The following YAF2 variants were observed in gnomAD, a reference collection of about 807,000 sequenced individuals.
YAF2 encodes YY1-associated factor 2.
A neutral mutation model predicts 20.1 loss-of-function variants in YAF2; 7 were observed. The observed-to-expected ratio is 0.35, with a 90% CI of 0.20 to 0.65. The LOEUF (loss-of-function observed/expected upper bound fraction) is 0.65. Ranked by LOEUF, YAF2 falls within the 30% of genes least tolerant of loss-of-function variation. The pLI, the probability that YAF2 is intolerant of heterozygous loss-of-function variation, is 0.69. For missense variants in YAF2, 151 were observed against 219.2 expected (o/e 0.69, Z 1.96); for synonymous variants, 74 against 76.0 (o/e 0.97, Z 0.14).
In YAF2 at chr12:42,227,513, C is replaced by T. The variant is rs1355320122; in HGVS notation, c.152+10086G>A. ...GCCGCCCCATCTGGGATGTGAGGAG[C>T]GCCTCTGCCCTGCCGAGACCCCGTC... On this transcript the variant is annotated intron_variant, in intron 2 of 3. Coordinates refer to ENST00000534854, the MANE Select transcript of YAF2 (RefSeq NM_005748.6). Among the ~76,000 whole-genome samples, 720 of 139,890 alleles carry T rather than the reference C, an allele frequency of 5.1e-3. 2 individuals carry two copies. The highest frequency in any genetic ancestry group is 8.1e-3 in the Non-Finnish European group (528 of 64,832). 91.8% of individuals were successfully genotyped at this position (139,890 alleles called of 152,430 possible).
At chr12:42,167,179 A>G (rs1325399729) in intron 2 of YAF2, among the ~76,000 whole-genome samples, 1 of 152,072 alleles carries the variant, frequency 6.6e-6, no homozygotes, top group East Asian at 1.9e-4. Context: ...TAGGACAAAT[A>G]CCTAATGCAT....
intron 2 of YAF2, among the ~76,000 whole-genome samples, chr12:42,188,968 T>A (rs1290585552): frequency 6.6e-6 from 1 of 152,120 alleles, no homozygotes; most frequent in African/African-American, 2.4e-5. Flanking sequence ...ATTTGTTCAA[T>A]AAATATGAGA....
At chr12:42,209,563 CAAAAAAAAAAAAA>C (rs71084623) in intron 2 of YAF2, among the ~76,000 whole-genome samples, 2 of 27,806 alleles carry the variant, frequency 7.2e-5, no homozygotes, top group South Asian at 1.3e-3. Context: ...GACTTTGTCT[CAAAAAAAAAAAAA>C]AAAAAAAAAA....
In YAF2 at chr12:42,159,899, T is replaced by C. The variant is rs2065765781; in HGVS notation, c.*690A>G. The C allele has an allele frequency of 6.6e-6, 1 of 152,550 alleles. No individual in the cohort carries two copies. Among genetic ancestry groups the C allele is most frequent in the Admixed American group, 6.5e-5 (1 of 15,270 alleles). 9.4% of individuals were successfully genotyped at this position (152,550 alleles called of 1,614,324 possible). A position where few individuals can be genotyped will look rare whatever the true frequency, so the allele number is the denominator to read the frequency against. On this transcript the variant is annotated 3_prime_UTR_variant, in exon 4 of 4. Transcript: ENST00000534854. ...AATTATAAAGCTAAATAATCAATGT[T>C]TTATTGTTTACTAGTCCGCTAGTAA...
chr12:42,227,722 G>C, intron 2 of YAF2, among the ~76,000 whole-genome samples: 1 of 149,584 alleles, frequency 6.7e-6, no homozygotes, highest in African/African-American at 2.5e-5. Context: ...TCTCCGCCCG[G>C]CAGCCACCCC....
At position 42,238,124 on chromosome 12, in the gene YAF2, AGTCCGGGCCCCGGGGCCCGGGCGCT is replaced by A; in HGVS notation, c.26+6_26+30del. 2 of 1,497,778 alleles carry A rather than the reference AGTCCGGGCCCCGGGGCCCGGGCGCT, an allele frequency of 1.3e-6. No homozygotes were observed. The highest frequency in any genetic ancestry group is 1.8e-6 in the Non-Finnish European group (2 of 1,122,958). The allele number at this position is 1,497,778 out of a possible 1,614,324, so 92.8% of individuals were successfully genotyped here. A position where few individuals can be genotyped will look rare whatever the true frequency, so the allele number is the denominator to read the frequency against. On this transcript the variant is annotated splice_donor_region_variant and intron_variant, in intron 1 of 3. Coordinates refer to ENST00000534854, the MANE Select transcript of YAF2 (RefSeq NM_005748.6). ...TGCACGAGGGCCCTGCCGCCCGCAC[AGTCCGGGCCCCGGGGCCCGGGCGCT>A]GTTACCTGGTGGGGCTCTTCTTGTC...
intron 2 of YAF2, among the ~76,000 whole-genome samples, chr12:42,207,957 G>A (rs1001993399): frequency 2.0e-4 from 30 of 151,996 alleles, no homozygotes; most frequent in African/African-American, 7.0e-4. Context: ...ATTTCAGTGG[G>A]GATGATTTAA....
intron 2 of YAF2, among the ~76,000 whole-genome samples, chr12:42,189,375 G>A (rs1379906523): frequency 6.6e-6 from 1 of 152,134 alleles, no homozygotes; most frequent in Admixed American, 6.5e-5. Flanking sequence ...TCTTTATTAG[G>A]ATTTTTTAAT....
At chr12:42,190,405 T>A (rs993809500) in intron 2 of YAF2, among the ~76,000 whole-genome samples, 7 of 152,234 alleles carry the variant, frequency 4.6e-5, no homozygotes, top group African/African-American at 1.7e-4. Flanking sequence ...TATAGTTACT[T>A]CTTTTTCATA....
chr12:42,229,041 G>T (rs1282163998), intron 2 of YAF2, among the ~76,000 whole-genome samples: 1 of 44,912 alleles, frequency 2.2e-5, no homozygotes, highest in African/African-American at 1.6e-4. Context: ...GTAGACATGG[G>T]AGACTTTTCA....
chr12:42,232,472 A>T (rs1340667262), intron 2 of YAF2: 11 of 985,444 alleles, frequency 1.1e-5, no homozygotes, highest in Non-Finnish European at 1.3e-5. Flanking sequence ...CCCATATACA[A>T]TTAACCAGTG....
intron 2 of YAF2, among the ~76,000 whole-genome samples, chr12:42,227,430 T>A (rs1248422564): frequency 9.0e-6 from 1 of 111,054 alleles, no homozygotes; most frequent in Non-Finnish European, 1.8e-5. Context: ...ATCTAGGAAG[T>A]GAGGAGCGTC....
At chr12:42,194,109 T>TA (rs1186831082) in intron 2 of YAF2, among the ~76,000 whole-genome samples, 1 of 152,168 alleles carries the variant, frequency 6.6e-6, no homozygotes, top group Non-Finnish European at 1.5e-5. Context: ...GTGAAAACAT[T>TA]AAAAAAATTA....
chr12:42,190,905 AGTTT>A (rs2066596030), intron 2 of YAF2, among the ~76,000 whole-genome samples: 1 of 150,944 alleles, frequency 6.6e-6, no homozygotes, highest in African/African-American at 2.4e-5. Flanking sequence ...TCTACTTTTT[AGTTT>A]TTTTTTCAGC....
At chr12:42,230,620 C>CTACA (rs2067958376) in intron 2 of YAF2, among the ~76,000 whole-genome samples, 1 of 152,000 alleles carries the variant, frequency 6.6e-6, no homozygotes, top group African/African-American at 2.4e-5. Flanking sequence ...TGAACTGTAA[C>CTACA]TACATAAAAG....
At chr12:42,194,218 A>T (rs1197827508) in intron 2 of YAF2, among the ~76,000 whole-genome samples, 1 of 152,236 alleles carries the variant, frequency 6.6e-6, no homozygotes. Context: ...GCCTAAGTGT[A>T]CAGTGTTTAT....
chr12:42,177,384 C>G (rs1454044117), intron 2 of YAF2, among the ~76,000 whole-genome samples: 1 of 152,168 alleles, frequency 6.6e-6, no homozygotes, highest in African/African-American at 2.4e-5. Context: ...CGCTTCTACT[C>G]AGGGCTCTCT....
At chr12:42,164,425 AC>A (rs1441562498) in intron 2 of YAF2, among the ~76,000 whole-genome samples, 1 of 152,036 alleles carries the variant, frequency 6.6e-6, no homozygotes, top group African/African-American at 2.4e-5. Context: ...TCTGCCTTCC[AC>A]CCCCACTGAC....
intron 2 of YAF2, among the ~76,000 whole-genome samples, chr12:42,166,961 T>G (rs1376617866): frequency 3.3e-5 from 5 of 152,226 alleles, no homozygotes; most frequent in Non-Finnish European, 7.3e-5. Context: ...CCACCATTTT[T>G]CTGTTTTCTT....
Sources: allele counts gnomAD v4.1 joint callset (sites outside exome capture counted in the v4.1 genomes callset), GRCh38; gene constraint gnomAD v4.1.1; transcripts MANE v1.5; gene names NCBI Gene and HGNC (gene_info 2026-07-23, HGNC 2026-07-21).